Variants in ACTR3 observed in about 807,000 individuals in gnomAD.
ACTR3 encodes the protein actin related protein 3.
A neutral mutation model predicts 56.8 loss-of-function variants in ACTR3; 12 were observed. That is an observed-to-expected ratio of 0.21 (90% CI 0.14 to 0.34). ACTR3 has a LOEUF of 0.34. Ranked by LOEUF, ACTR3 falls within the 10% of genes least tolerant of loss-of-function variation. The pLI is 1.00. For missense variants in ACTR3, 282 were observed against 512.5 expected, an observed-to-expected ratio of 0.55 and a Z score of 4.34; for synonymous variants, 162 against 167.4, an observed-to-expected ratio of 0.97 and a Z score of 0.25.
chr2:113,926,905 G>A (rs952210880), intron 3 of ACTR3, among the ~76,000 whole-genome samples: 1 of 152,072 alleles, frequency 6.6e-6, no homozygotes, highest in African/African-American at 2.4e-5. Flanking sequence ...AATTATTCTA[G>A]GTATGTACTT....
chr2:113,931,242 CAAG>C (rs1679718671), intron 4 of ACTR3, 56 bp from the exon 5 acceptor site: 2 of 1,069,360 alleles, frequency 1.9e-6, no homozygotes, highest in South Asian at 1.8e-5. Context: ...TAAAAATTGT[CAAG>C]AAAGTTATCA....
chr2:113,891,888 A>AT (rs1186038525), intron 1 of ACTR3, among the ~76,000 whole-genome samples: 4 of 151,882 alleles, frequency 2.6e-5, no homozygotes, highest in South Asian at 2.1e-4. Context: ...TGAACCAATA[A>AT]TTTTTTTTAT....
intron 10 of ACTR3, chr2:113,953,310 A>G (rs1355978547): frequency 6.6e-6 from 1 of 152,164 alleles, no homozygotes; most frequent in Admixed American, 6.5e-5. Context: ...GCTTCATACC[A>G]GAAGTGTTGC....
At chr2:113,954,839 T>C (rs1241385834) in intron 10 of ACTR3, 1 of 152,118 alleles carries the variant, frequency 6.6e-6, no homozygotes, top group East Asian at 1.9e-4. Flanking sequence ...TGCTCATTGC[T>C]GTTGGGGTAT....
intron 8 of ACTR3, among the ~76,000 whole-genome samples, chr2:113,948,272 C>G (rs910613333): frequency 2.0e-5 from 3 of 152,142 alleles, no homozygotes; most frequent in African/African-American, 4.8e-5. Context: ...ACCTCAGACT[C>G]CCAAGTAGCT....
intron 1 of ACTR3, among the ~76,000 whole-genome samples, chr2:113,901,006 T>A (rs1190711938): frequency 6.6e-6 from 1 of 152,232 alleles, no homozygotes; most frequent in African/African-American, 2.4e-5. Context: ...TCCCTGTGAA[T>A]CAGCCACTGC....
In ACTR3 at chr2:113,942,306, A is replaced by G. The variant is rs767785922; in HGVS notation, c.805A>G (p.Ile269Val). The G allele has an allele frequency of 1.9e-5, 30 of 1,601,848 alleles. No individual in the cohort carries two copies. Among genetic ancestry groups the G allele is most frequent in the East Asian group, 6.8e-5 (3 of 44,286 alleles). Residue 269 changes from isoleucine to valine, a missense_variant, in exon 8 of 12, where the codon ATC becomes GTC. Physicochemically the swap from Ile to Val is conservative, Grantham distance 29. Coordinates refer to ENST00000263238, the MANE Select transcript of ACTR3 (RefSeq NM_005721.5). ...INAISKKEFSIDVGYERFLGP... is the reference protein window; with the variant it reads ...INAISKKEFSVDVGYERFLGP... Reference sequence around the variant, plus strand: ...TGCTATCTCAAAGAAAGAGTTTTCTATCGATGTTGGTTATGAGAGATTTTT... The same window carrying G: ...TGCTATCTCAAAGAAAGAGTTTTCTGTCGATGTTGGTTATGAGAGATTTTT...
Position 113,934,332 on chromosome 2 carries a change from G to C in ACTR3, c.486G>C (p.Thr162=). 6.2e-7 allele frequency: 1 copy of C among 1,609,818 alleles called. No homozygotes were observed. Among genetic ancestry groups the C allele is most frequent in the African/African-American group, 1.3e-5 (1 of 74,444 alleles). ...SWTSRQVGER[T]LTGTVIDSGD... ...CCTCAAGACAAGTAGGAGAACGGAC[G>C]TTGACCGGTACGGTAATAGACAGTG... The change falls in exon 6 of 12, where the codon ACG becomes ACC. Residue 162 remains threonine (T), a synonymous_variant. Coordinates refer to ENST00000263238, the MANE Select transcript of ACTR3 (RefSeq NM_005721.5).
At chr2:113,894,985 A>C (rs1031112136) in intron 1 of ACTR3, among the ~76,000 whole-genome samples, 27 of 152,068 alleles carry the variant, frequency 1.8e-4, no homozygotes, top group African/African-American at 6.3e-4. Flanking sequence ...TCTTACAAAA[A>C]AAAATCTCAG....
chr2:113,924,221 C>G (rs1385298524), intron 3 of ACTR3, among the ~76,000 whole-genome samples: 1 of 151,856 alleles, frequency 6.6e-6, no homozygotes, highest in African/African-American at 2.4e-5. Context: ...AGGTGTGTGC[C>G]ACCACACCTG....
At position 113,960,456 on chromosome 2, in the gene ACTR3, T is replaced by TA. The variant is rs756780662; in HGVS notation, c.*3002dup. 6.6e-6 allele frequency: 1 copy of TA among 152,010 alleles called. No individual in the cohort carries two copies. The highest frequency in any genetic ancestry group is 1.5e-5 in the Non-Finnish European group (1 of 67,914). 9.4% of individuals were successfully genotyped at this position (152,010 alleles called of 1,614,324 possible). A position where few individuals can be genotyped will look rare whatever the true frequency, so the allele number is the denominator to read the frequency against. On this transcript the variant is annotated 3_prime_UTR_variant, in exon 12 of 12. Coordinates refer to ENST00000263238, the MANE Select transcript of ACTR3 (RefSeq NM_005721.5). ...TGAAATACAGGGATAATAGGCCAATTATGATCTTTATTTTTAATTTCTACA... is the reference window on the plus strand; with the variant it reads ...TGAAATACAGGGATAATAGGCCAATTAATGATCTTTATTTTTAATTTCTACA...
chr2:113,923,673 G>C (rs1374045050), intron 3 of ACTR3, among the ~76,000 whole-genome samples: 1 of 151,080 alleles, frequency 6.6e-6, no homozygotes, highest in Non-Finnish European at 1.5e-5. Flanking sequence ...TATTGTCACT[G>C]ATTTCTCCTT....
intron 9 of ACTR3, 58 bp from the exon 10 acceptor site, chr2:113,951,662 A>G (rs1680122738): frequency 9.5e-6 from 14 of 1,468,044 alleles, no homozygotes; most frequent in South Asian, 1.3e-5. Context: ...TCAGTACTAT[A>G]TATTATATCT....
chr2:113,890,255 G>A lies in ACTR3; in HGVS notation c.-25G>A. 6.4e-7 allele frequency: 1 copy of A among 1,550,650 alleles called. No individual in the cohort carries two copies. The highest frequency in any genetic ancestry group is 8.7e-7 in the Non-Finnish European group (1 of 1,146,574). ...TAGCAGCACGGAGCAGACGGCGGCA[G>A]CAGCAGCAGCAGGCGAGGAGGAAGA... On this transcript the variant is annotated 5_prime_UTR_variant, in exon 1 of 12. Transcript: ENST00000263238.
intron 7 of ACTR3, among the ~76,000 whole-genome samples, chr2:113,941,870 A>G (rs1679929756): frequency 6.6e-6 from 1 of 152,122 alleles, no homozygotes; most frequent in African/African-American, 2.4e-5. Context: ...ATTCATTATT[A>G]CTGAGACAGA....
At chr2:113,910,766 T>C (rs1164379727) in intron 1 of ACTR3, among the ~76,000 whole-genome samples, 1 of 152,146 alleles carries the variant, frequency 6.6e-6, no homozygotes, top group Non-Finnish European at 1.5e-5. Flanking sequence ...AATTAGAGCA[T>C]TGTTTTTAGG....
chr2:113,940,610 T>C (rs1679906235), intron 7 of ACTR3, among the ~76,000 whole-genome samples: 2 of 152,222 alleles, frequency 1.3e-5, no homozygotes, highest in Admixed American at 6.5e-5. Context: ...GTAAGTATTA[T>C]ATCAGTGCTT....
Position 113,903,537 on chromosome 2 carries a change from C to CT in ACTR3, c.45-9618dup, listed in dbSNP as rs377634915. Among the ~76,000 whole-genome samples, 435 of 135,260 alleles carry CT rather than the reference C, an allele frequency of 3.2e-3. 3 individuals carry two copies. The highest frequency in any genetic ancestry group is 0.019 in the East Asian group (88 of 4,636). The allele number at this position is 135,260 out of a possible 152,430, so 88.7% of individuals were successfully genotyped here. On this transcript the variant is annotated intron_variant, in intron 1 of 11. Transcript: ENST00000263238. Reference sequence around the variant, plus strand: ...TACACCACCATGCTCTGCTAATTGTCTTTTTTTTTTTTTTTTTGAGACGGA... The same window carrying CT: ...TACACCACCATGCTCTGCTAATTGTCTTTTTTTTTTTTTTTTTTGAGACGGA...
chr2:113,890,492 C>T, intron 1 of ACTR3, 169 bp downstream of exon 1: 3 of 1,309,486 alleles, frequency 2.3e-6, no homozygotes, highest in East Asian at 2.9e-5. Context: ...CCTCGCGGGT[C>T]CCCTCGTTTC....
Sources: allele counts gnomAD v4.1 joint callset (sites outside exome capture counted in the v4.1 genomes callset), GRCh38; gene constraint gnomAD v4.1.1; transcripts MANE v1.5; gene names NCBI Gene and HGNC (gene_info 2026-07-23, HGNC 2026-07-21).